Variants in C8orf76 observed in about 807,000 individuals in gnomAD.
The protein encoded by C8orf76 is uncharacterized protein C8orf76.
In C8orf76, 46 loss-of-function variants were observed where a neutral mutation model predicts 38.1. That is an observed-to-expected ratio of 1.21 (90% CI 0.95 to 1.54). The LOEUF is 1.54. C8orf76 is among the 40% of genes most tolerant of loss of function. The probability of loss-of-function intolerance (pLI) is 0.00; values close to 1 mark genes in which losing one functional copy is unlikely to be tolerated. For missense variants in C8orf76, 461 were observed against 441.6 expected, an observed-to-expected ratio of 1.04 and a Z score of -0.39; for synonymous variants, 166 against 167.5, an observed-to-expected ratio of 0.99 and a Z score of 0.07.
intron 1 of C8orf76, 66 bp downstream of exon 1, chr8:123,241,164 G>T: frequency 6.8e-7 from 1 of 1,469,996 alleles, no homozygotes; most frequent in Non-Finnish European, 9.0e-7. Context: ...CCGAGGCCGG[G>T]GCCGGGGCCC....
chr8:123,238,935 C>T, intron 2 of C8orf76, 114 bp downstream of exon 2: 1 of 1,078,194 alleles, frequency 9.3e-7, no homozygotes. Flanking sequence ...ACACACATCA[C>T]AAAAGATTAA....
chr8:123,235,780 C>G (rs1825448895), intron 3 of C8orf76, among the ~76,000 whole-genome samples: 1 of 152,110 alleles, frequency 6.6e-6, no homozygotes, highest in Admixed American at 6.5e-5. Flanking sequence ...CCAGAGATGA[C>G]CCAACCCCTG....
chr8:123,224,840 C>T (rs930235630), intron 5 of C8orf76, among the ~76,000 whole-genome samples: 20 of 152,206 alleles, frequency 1.3e-4, no homozygotes, highest in African/African-American at 4.8e-4. Context: ...TAGTTGAAAA[C>T]ATAAGATACA....
Position 123,220,284 on chromosome 8 carries a change from T to C in C8orf76, c.962A>G (p.Asp321Gly). The C allele has an allele frequency of 1.3e-6, 2 of 1,599,894 alleles. No homozygotes were observed. Among genetic ancestry groups the C allele is most frequent in the Non-Finnish European group, 1.7e-6 (2 of 1,174,792 alleles). The change falls in exon 6 of 6, where the codon GAT becomes GGT. Residue 321 changes from aspartate to glycine, a missense_variant. Physicochemically the swap from Asp to Gly is moderately conservative, Grantham distance 94. Coordinates refer to ENST00000276704, the MANE Select transcript of C8orf76 (RefSeq NM_032847.3). ...TTCATCTTTTATTTTTTCTGGGATA[T>C]CTTCTCCCATAACCTATAACAGGAG... ...LLLIAEVMGE[D>G]IPEKIKDEVH... is the part of the protein sequence containing the mutation.
At position 123,222,177 on chromosome 8, in the gene C8orf76, CAG is replaced by C. The variant is rs1490335707; in HGVS notation, c.949-1882_949-1881del. ...CTAATTTTTGTATTTTTAGTAGAGA[CAG>C]GGTTTCACCGTGTTACCCAGGATGG... is the stretch of plus-strand genomic sequence containing the variant. On this transcript the variant is annotated intron_variant, in intron 5 of 5. Coordinates refer to ENST00000276704, the MANE Select transcript of C8orf76 (RefSeq NM_032847.3). Among the ~76,000 whole-genome samples, 3 of 151,812 alleles carry C rather than the reference CAG, an allele frequency of 2.0e-5. No individual in the cohort carries two copies. In the East Asian group the frequency reaches 5.8e-4, roughly 30 times the overall value.
In C8orf76 at chr8:123,231,690, C is replaced by T. The variant is rs189931490; in HGVS notation, c.425G>A (p.Ser142Asn). ...VLYLQLAICS[S>N]LQNLEKTIFC... ...AATTGTTTTCTCCAAGTTCTGCAAA[C>T]TTGAACAAATAGCAAGCTGGAGGTA... is the stretch of plus-strand genomic sequence containing the variant. Residue 142 changes from serine to asparagine, a missense_variant, in exon 4 of 6, where the codon AGT becomes AAT. By Grantham distance (46) the Ser-to-Asn change is conservative. Coordinates refer to ENST00000276704, the MANE Select transcript of C8orf76 (RefSeq NM_032847.3). The T allele has an allele frequency of 5.0e-6, 8 of 1,613,654 alleles. No individual in the cohort carries two copies. Among genetic ancestry groups the T allele is most frequent in the Middle Eastern group, 1.6e-4 (1 of 6,062 alleles).
chr8:123,231,190 A>G (rs1447029484), intron 4 of C8orf76, 110 bp downstream of exon 4: 5 of 1,375,750 alleles, frequency 3.6e-6, no homozygotes, highest in East Asian at 2.4e-5. Context: ...GAAAATTTCA[A>G]AAATATATAC....
At chr8:123,236,990 G>A in intron 3 of C8orf76, 3 of 1,546,710 alleles carry the variant, frequency 1.9e-6, no homozygotes, top group Non-Finnish European at 2.7e-6. Flanking sequence ...GCTGGAGGAT[G>A]GCCGCACTCT....
intron 3 of C8orf76, 131 bp from the exon 4 acceptor site, chr8:123,231,888 TA>T (rs1210895385): frequency 1.1e-6 from 1 of 951,660 alleles, no homozygotes; most frequent in Non-Finnish European, 1.5e-6. Context: ...ACGAGTGACC[TA>T]AATATATTTC....
intron 3 of C8orf76, among the ~76,000 whole-genome samples, chr8:123,233,027 T>C (rs1586807327): frequency 6.6e-6 from 1 of 152,060 alleles, no homozygotes; most frequent in African/African-American, 2.4e-5. Context: ...TCAAAAACTT[T>C]TTTTTTTTTT....
intron 4 of C8orf76, among the ~76,000 whole-genome samples, chr8:123,227,453 A>G (rs533420182): frequency 2.0e-5 from 3 of 152,146 alleles, no homozygotes; most frequent in Non-Finnish European, 4.4e-5. Flanking sequence ...GAGATAGCAC[A>G]TAAGTATTTC....
At chr8:123,226,730 T>C in intron 4 of C8orf76, 98 bp from the exon 5 acceptor site, 1 of 1,473,236 alleles carries the variant, frequency 6.8e-7, no homozygotes, top group East Asian at 2.4e-5. Flanking sequence ...AGGTATTGAG[T>C]CGGCTGCAAG....
chr8:123,238,150 C>T lies in C8orf76; in HGVS notation c.214-209G>A, dbSNP rs139169494. Among the ~76,000 whole-genome samples, 465 of 152,244 alleles carry T rather than the reference C, an allele frequency of 3.1e-3. 1 individual carries two copies. The highest frequency in any genetic ancestry group is 0.011 in the African/African-American group (444 of 41,522). On this transcript the variant is annotated intron_variant, in intron 2 of 5. Coordinates refer to ENST00000276704, the MANE Select transcript of C8orf76 (RefSeq NM_032847.3). Reference sequence around the variant, plus strand: ...CCCACCCAAATCTCATCTTAAATTGCAGCTCCCATAACCCCCACATGTTGT... The same window carrying T: ...CCCACCCAAATCTCATCTTAAATTGTAGCTCCCATAACCCCCACATGTTGT...
intron 2 of C8orf76, chr8:123,238,828 G>A (rs975917361): frequency 1.2e-4 from 59 of 477,222 alleles, no homozygotes; most frequent in Non-Finnish European, 2.2e-4. Context: ...CAAGGACAAG[G>A]ACCCCAAAGA....
chr8:123,237,132 G>GGCGGGCACAGCACT, intron 3 of C8orf76: 1 of 852,320 alleles, frequency 1.2e-6, no homozygotes, highest in Non-Finnish European at 2.0e-6. Context: ...CGCAAGTGCT[G>GGCGGGCACAGCACT]TGCCCGCCTG....
At chr8:123,234,243 C>T (rs970798703) in intron 3 of C8orf76, among the ~76,000 whole-genome samples, 3 of 152,046 alleles carry the variant, frequency 2.0e-5, no homozygotes, top group African/African-American at 7.2e-5. Flanking sequence ...GCAACTGGGT[C>T]ACAGAGAGGT....
At chr8:123,226,235 A>G in intron 5 of C8orf76, 1 of 1,319,544 alleles carries the variant, frequency 7.6e-7, no homozygotes, top group Non-Finnish European at 9.6e-7. Flanking sequence ...ACAAACAATT[A>G]TTGGGCATTG....
At chr8:123,237,739 T>G (rs1457565341) in intron 3 of C8orf76, 59 bp downstream of exon 3, 105 of 1,526,444 alleles carry the variant, frequency 6.9e-5, no homozygotes, top group Non-Finnish European at 7.0e-5. Flanking sequence ...TTTCAAAAAA[T>G]ACACCATTCG....
chr8:123,220,959 A>G (rs1475727680), intron 5 of C8orf76, among the ~76,000 whole-genome samples: 1 of 152,204 alleles, frequency 6.6e-6, no homozygotes, highest in African/African-American at 2.4e-5. Context: ...TTAAGTTCCA[A>G]AACATTTCAT....
Sources: gnomAD v4.1 joint callset for allele counts (sites outside exome capture counted in the v4.1 genomes callset) on GRCh38, gnomAD v4.1.1 for gene constraint, MANE v1.5 for transcripts, NCBI Gene and HGNC (gene_info 2026-07-23, HGNC 2026-07-21) for gene names.